RSBN1L: variants seen among roughly 807,000 people sequenced by gnomAD.
RSBN1L encodes lysine-specific demethylase RSBN1L.
In RSBN1L, 30 loss-of-function variants were observed where a neutral mutation model predicts 67.7. The ratio of observed to expected loss-of-function variants is 0.44; its 90% CI spans 0.33 to 0.60. The LOEUF (loss-of-function observed/expected upper bound fraction) is 0.60, where lower values mean the gene tolerates loss of function less well. RSBN1L is among the 20% of genes least tolerant of loss of function. The probability of loss-of-function intolerance (pLI) is 0.02; values close to 1 mark genes in which losing one functional copy is unlikely to be tolerated. For missense variants in RSBN1L, 992 were observed against 1,031.7 expected, an observed-to-expected ratio of 0.96 and a Z score of 0.53; for synonymous variants, 433 against 387.0, an observed-to-expected ratio of 1.12 and a Z score of -1.39.
chr7:77,736,692 T>C (rs1434933359), intron 2 of RSBN1L, among the ~76,000 whole-genome samples, 166 bp downstream of exon 2: 1 of 152,180 alleles, frequency 6.6e-6, no homozygotes, highest in East Asian at 1.9e-4. Context: ...CTAATCTGTA[T>C]GGTAACATGT....
At chr7:77,773,950 C>T (rs1791878868) in intron 6 of RSBN1L, among the ~76,000 whole-genome samples, 1 of 152,156 alleles carries the variant, frequency 6.6e-6, no homozygotes, top group African/African-American at 2.4e-5. Context: ...CTTTTTGCTC[C>T]GTATTTATCA....
chr7:77,697,072 G>C lies in RSBN1L; in HGVS notation c.586+17G>C. ...TGCCCCGAGGTGGGTGCCGTGCGGG[G>C]AGGGGGAGGGGAGGGCGCCGTGGGT... On this transcript the variant is annotated intron_variant, in intron 1 of 7. Coordinates refer to ENST00000334955, the MANE Select transcript of RSBN1L (RefSeq NM_198467.3). 1 of 1,386,392 alleles carries C rather than the reference G, an allele frequency of 7.2e-7. No individual in the cohort carries two copies. Among genetic ancestry groups the C allele is most frequent in the Non-Finnish European group, 9.3e-7 (1 of 1,075,916 alleles). The allele number at this position is 1,386,392 out of a possible 1,614,324, so 85.9% of individuals were successfully genotyped here.
At chr7:77,722,970 T>C (rs1791139721) in intron 1 of RSBN1L, among the ~76,000 whole-genome samples, 2 of 106,664 alleles carry the variant, frequency 1.9e-5, no homozygotes, top group Admixed American at 9.1e-5. Context: ...TCTCTCTTCT[T>C]TTTTTTTTTT....
At chr7:77,704,756 T>A (rs1217528718) in intron 1 of RSBN1L, among the ~76,000 whole-genome samples, 1 of 152,070 alleles carries the variant, frequency 6.6e-6, no homozygotes, top group East Asian at 1.9e-4. Flanking sequence ...GGTGGGTGGA[T>A]CACCTGGGGT....
chr7:77,774,936 A>G (rs934176768), intron 6 of RSBN1L, among the ~76,000 whole-genome samples: 2 of 151,942 alleles, frequency 1.3e-5, no homozygotes, highest in Non-Finnish European at 2.9e-5. Context: ...GTCATGGCTC[A>G]CAGCAGCCTT....
chr7:77,771,805 C>T (rs144587225), intron 5 of RSBN1L, among the ~76,000 whole-genome samples: 33 of 150,298 alleles, frequency 2.2e-4, no homozygotes, highest in Non-Finnish European at 4.1e-4. Flanking sequence ...CCACTGTGCC[C>T]GGCCTCCTCA....
At chr7:77,763,915 C>T (rs1484111744) in intron 3 of RSBN1L, among the ~76,000 whole-genome samples, 1 of 152,166 alleles carries the variant, frequency 6.6e-6, no homozygotes, top group Non-Finnish European at 1.5e-5. Context: ...GCTTAGAAAT[C>T]TGGTGAATTT....
intron 1 of RSBN1L, among the ~76,000 whole-genome samples, chr7:77,703,275 C>T (rs1047816469): frequency 4.6e-5 from 7 of 152,040 alleles, no homozygotes; most frequent in Admixed American, 1.3e-4. Flanking sequence ...TATTTCCTAG[C>T]GCCCTCTGAT....
Position 77,778,974 on chromosome 7 carries a change from G to A in RSBN1L, c.2347G>A (p.Gly783Ser). 6.2e-7 allele frequency: 1 copy of A among 1,613,900 alleles called. No individual in the cohort carries two copies. Among genetic ancestry groups the A allele is most frequent in the Non-Finnish European group, 8.5e-7 (1 of 1,179,884 alleles). ...EKTTALNNMD[G>S]KNVKAKLDHV... ...GACTACAGCACTGAATAATATGGAT[G>A]GCAAGAATGTTAAAGCAAAATTGGA... Residue 783 changes from glycine (G) to serine (S), a missense_variant, in exon 8 of 8, where the codon GGC (glycine) becomes AGC (serine). Physicochemically the swap from Gly to Ser is moderately conservative, Grantham distance 56. Transcript: ENST00000334955.
At position 77,696,507 on chromosome 7, in the gene RSBN1L, C is replaced by T. The variant is rs772770406; in HGVS notation, c.38C>T (p.Ala13Val). The T allele has an allele frequency of 6.8e-6, 11 of 1,613,304 alleles. No individual in the cohort carries two copies. Among genetic ancestry groups the T allele is most frequent in the African/African-American group, 1.3e-5 (1 of 74,932 alleles). The change falls in exon 1 of 8, where the codon GCC (alanine) becomes GTC (valine). Residue 13 changes from alanine to valine, a missense_variant. Transcript: ENST00000334955. ...CCGAGCCCCGTGCACTGTGTCGCTG[C>T]CGCGGCCCCCACCGCCACCGTCTCG... ...EPPSPVHCVAAAAPTATVSEK... is the reference protein window; with the variant it reads ...EPPSPVHCVAVAAPTATVSEK...
At chr7:77,739,677 C>G (rs1242984044) in intron 2 of RSBN1L, among the ~76,000 whole-genome samples, 1 of 131,860 alleles carries the variant, frequency 7.6e-6, no homozygotes, top group Non-Finnish European at 1.6e-5. Context: ...CCACTGCACT[C>G]CAGCCTGGGT....
intron 1 of RSBN1L, among the ~76,000 whole-genome samples, chr7:77,722,867 G>T (rs1006653661): frequency 4.0e-5 from 6 of 151,882 alleles, no homozygotes; most frequent in African/African-American, 1.5e-4. Flanking sequence ...ATTCAGGGCA[G>T]GCAAAACTGT....
chr7:77,711,129 A>G (rs1318775618), intron 1 of RSBN1L, among the ~76,000 whole-genome samples: 2 of 152,160 alleles, frequency 1.3e-5, no homozygotes, highest in Non-Finnish European at 2.9e-5. Context: ...AAGGGTGATA[A>G]TGGGATAAGA....
intron 1 of RSBN1L, among the ~76,000 whole-genome samples, chr7:77,707,822 G>T (rs1394633715): frequency 2.0e-5 from 3 of 152,220 alleles, no homozygotes; most frequent in South Asian, 4.2e-4. Context: ...CATGAGCTGG[G>T]ATATGAGCTC....
At chr7:77,757,108 T>C (rs1427273829) in intron 3 of RSBN1L, among the ~76,000 whole-genome samples, 1 of 152,238 alleles carries the variant, frequency 6.6e-6, no homozygotes, top group Non-Finnish European at 1.5e-5. Flanking sequence ...CTGTAGAAAC[T>C]AAAAGATGAC....
At position 77,782,268 on chromosome 7, in the gene RSBN1L, A is replaced by G. The variant is rs1792009346; in HGVS notation, c.*3100A>G. 1 of 152,230 alleles carries G rather than the reference A, an allele frequency of 6.6e-6. No homozygotes were observed. Among genetic ancestry groups the G allele is most frequent in the Non-Finnish European group, 1.5e-5 (1 of 68,042 alleles). The allele number at this position is 152,230 out of a possible 1,614,324, so 9.4% of individuals were successfully genotyped here. ...ATTTCCAGTTTCTTGGACCAGAACA[A>G]TAAAATACATAAGACATCGTTTCTA... On this transcript the variant is annotated 3_prime_UTR_variant, in exon 8 of 8. Transcript: ENST00000334955.
intron 3 of RSBN1L, among the ~76,000 whole-genome samples, chr7:77,761,682 A>G (rs1050305033): frequency 2.0e-5 from 3 of 152,204 alleles, no homozygotes; most frequent in African/African-American, 7.2e-5. Flanking sequence ...TTTAAATTGG[A>G]AACATTGTTG....
intron 1 of RSBN1L, among the ~76,000 whole-genome samples, chr7:77,726,755 G>C (rs566346657): frequency 6.7e-6 from 1 of 149,210 alleles, no homozygotes; most frequent in African/African-American, 2.5e-5. Context: ...GACTACAGGC[G>C]CGTGCCACCA....
intron 3 of RSBN1L, among the ~76,000 whole-genome samples, chr7:77,760,273 T>G (rs558748195): frequency 4.6e-4 from 70 of 152,296 alleles, no homozygotes; most frequent in African/African-American, 1.6e-3. Context: ...AACCAAAGCT[T>G]CTCAGATTTT....
Sources: allele counts gnomAD v4.1 joint callset (sites outside exome capture counted in the v4.1 genomes callset), GRCh38; gene constraint gnomAD v4.1.1; transcripts MANE v1.5; gene names NCBI Gene and HGNC (gene_info 2026-07-23, HGNC 2026-07-21).